ATP10A: variants seen among roughly 807,000 people sequenced by gnomAD.
ATP10A encodes ATPase phospholipid transporting 10A (putative).
ATP10A carries 111 observed loss-of-function variants against 147.8 expected under a neutral mutation model. The ratio of observed to expected loss-of-function variants is 0.75; its 90% CI spans 0.64 to 0.88. ATP10A has a LOEUF of 0.88. ATP10A is among the 40% of genes least tolerant of loss of function. The probability of loss-of-function intolerance (pLI) is 0.00; values close to 1 mark genes in which losing one functional copy is unlikely to be tolerated. For synonymous variants in ATP10A, 875 were observed against 841.6 expected (o/e 1.04, Z -0.69); for missense variants, 1,927 against 1,959.0 (o/e 0.98, Z 0.31).
intron 1 of ATP10A, among the ~76,000 whole-genome samples, chr15:25,796,297 T>C (rs1890667111): frequency 6.6e-6 from 1 of 152,006 alleles, no homozygotes; most frequent in Non-Finnish European, 1.5e-5. Context: ...CCCAGCTACT[T>C]GGGAGGCTGA....
intron 7 of ATP10A, among the ~76,000 whole-genome samples, chr15:25,718,762 A>AG (rs1349237936): frequency 1.3e-5 from 2 of 152,130 alleles, no homozygotes; most frequent in Admixed American, 6.5e-5. Flanking sequence ...GGCAGGACAG[A>AG]GGGTGGCAGG....
chr15:25,826,062 A>T (rs1225772810), intron 1 of ATP10A, among the ~76,000 whole-genome samples: 1 of 152,212 alleles, frequency 6.6e-6, no homozygotes, highest in African/African-American at 2.4e-5. Context: ...TCAACAGCAG[A>T]TTTCTGAGCA....
At chr15:25,774,807 A>C (rs1036595824) in intron 2 of ATP10A, among the ~76,000 whole-genome samples, 15 of 152,202 alleles carry the variant, frequency 9.9e-5, no homozygotes, top group African/African-American at 3.4e-4. Flanking sequence ...ATTTCTATGA[A>C]TATCCACACT....
In ATP10A at chr15:25,766,848, C is replaced by T. The variant is rs189880960; in HGVS notation, c.654+14171G>A. Among the ~76,000 whole-genome samples the T allele has an allele frequency of 2.5e-3, 372 of 150,548 alleles. 2 individuals carry two copies. The highest frequency in any genetic ancestry group is 8.9e-3 in the African/African-American group (364 of 40,794). ...GAAGGCACCAGTCCCAAAAAACTCC[C>T]GAAAAATACTCTAATCGGGGTTTTG... is the stretch of plus-strand genomic sequence containing the variant. On this transcript the variant is annotated intron_variant, in intron 2 of 20. Coordinates refer to ENST00000555815, the MANE Select transcript of ATP10A (RefSeq NM_024490.4).
chr15:25,778,847 T>A (rs1889754432), intron 2 of ATP10A, among the ~76,000 whole-genome samples: 1 of 152,118 alleles, frequency 6.6e-6, no homozygotes, highest in Non-Finnish European at 1.5e-5. Flanking sequence ...GGTTCAGAAG[T>A]TGAAGATCAG....
At chr15:25,846,397 A>G (rs527813755) in intron 1 of ATP10A, among the ~76,000 whole-genome samples, 1 of 152,350 alleles carries the variant, frequency 6.6e-6, no homozygotes, top group East Asian at 1.9e-4. Flanking sequence ...TGTGTGTGCC[A>G]GTGGAGCACA....
At chr15:25,759,349 T>A (rs967453445) in intron 2 of ATP10A, among the ~76,000 whole-genome samples, 2 of 152,220 alleles carry the variant, frequency 1.3e-5, no homozygotes, top group Non-Finnish European at 1.5e-5. Flanking sequence ...TGTGCAAGAT[T>A]AATCTCATGA....
intron 16 of ATP10A, among the ~76,000 whole-genome samples, chr15:25,685,568 A>T (rs1302055745): frequency 6.6e-6 from 1 of 152,156 alleles, no homozygotes; most frequent in Admixed American, 6.6e-5. Flanking sequence ...ATGGTGGTTC[A>T]TGCCTATAAT....
intron 3 of ATP10A, among the ~76,000 whole-genome samples, chr15:25,734,199 C>T (rs1013590477): frequency 9.9e-5 from 15 of 152,144 alleles, no homozygotes; most frequent in Non-Finnish European, 1.8e-4. Context: ...CAGCAGAGGG[C>T]CGTCACCTTT....
chr15:25,736,585 A>G (rs893478836), intron 2 of ATP10A, among the ~76,000 whole-genome samples: 11 of 152,208 alleles, frequency 7.2e-5, no homozygotes, highest in Admixed American at 1.3e-4. Context: ...ATCTTCATGG[A>G]TCTTTGATGA....
rs137994000 is a variant in ATP10A at position 25,851,612 on chromosome 15, G to C, written c.449+11036C>G. Among the ~76,000 whole-genome samples the C allele has an allele frequency of 7.9e-5, 12 of 152,234 alleles. No homozygotes were observed. In the East Asian group the frequency reaches 2.3e-3, roughly 29 times the overall value. On this transcript the variant is annotated intron_variant, in intron 1 of 20. Coordinates refer to ENST00000555815, the MANE Select transcript of ATP10A (RefSeq NM_024490.4). ...GGTACATTTTTCAGAAGACATTTGAGCCAACAGAGGGTATCTCTGGATCCT... is the reference window on the plus strand; with the variant it reads ...GGTACATTTTTCAGAAGACATTTGACCCAACAGAGGGTATCTCTGGATCCT...
intron 1 of ATP10A, among the ~76,000 whole-genome samples, chr15:25,835,681 G>C (rs1027372788): frequency 2.2e-4 from 33 of 152,210 alleles, no homozygotes; most frequent in African/African-American, 7.7e-4. Flanking sequence ...CACCCAGGCT[G>C]GAGTGCAGTG....
At chr15:25,693,552 A>G (rs1596695128) in intron 14 of ATP10A, among the ~76,000 whole-genome samples, 5 of 8,302 alleles carry the variant, frequency 6.0e-4, no homozygotes, top group Admixed American at 3.3e-3. Flanking sequence ...CTCCCAGGGA[A>G]GGACGCTGAC....
intron 2 of ATP10A, among the ~76,000 whole-genome samples, chr15:25,768,571 T>TATC (rs1330345063): frequency 6.7e-6 from 1 of 148,662 alleles, no homozygotes; most frequent in African/African-American, 2.5e-5. Context: ...TGAGACAGGG[T>TATC]ATCACTCTGT....
At chr15:25,733,777 A>G (rs905561937) in intron 3 of ATP10A, among the ~76,000 whole-genome samples, 1 of 152,218 alleles carries the variant, frequency 6.6e-6, no homozygotes, top group African/African-American at 2.4e-5. Flanking sequence ...TGGGTGGAGT[A>G]CACGAGGAGA....
At chr15:25,770,301 G>C (rs558007595) in intron 2 of ATP10A, among the ~76,000 whole-genome samples, 1 of 152,152 alleles carries the variant, frequency 6.6e-6, no homozygotes, top group Admixed American at 6.5e-5. Context: ...CCTGAGCAGC[G>C]ACAGCAATGG....
intron 1 of ATP10A, 192 bp downstream of exon 1, chr15:25,862,456 C>T (rs1893804327): frequency 1.4e-6 from 1 of 709,506 alleles, no homozygotes; most frequent in Non-Finnish European, 2.4e-6. Context: ...TTAGCTGCGG[C>T]GGAGGCACAG....
At chr15:25,803,840 C>T (rs901689096) in intron 1 of ATP10A, among the ~76,000 whole-genome samples, 3 of 152,246 alleles carry the variant, frequency 2.0e-5, no homozygotes, top group Admixed American at 6.5e-5. Flanking sequence ...CTGCTGCCCT[C>T]CCAGGCACAG....
chr15:25,704,765 C>A (rs1178780676), intron 12 of ATP10A, among the ~76,000 whole-genome samples: 2 of 152,198 alleles, frequency 1.3e-5, no homozygotes, highest in Non-Finnish European at 2.9e-5. Flanking sequence ...TGGGGCACAG[C>A]GGCTTTCTTC....
Sources: gnomAD v4.1 joint callset for allele counts (sites outside exome capture counted in the v4.1 genomes callset) on GRCh38, gnomAD v4.1.1 for gene constraint, MANE v1.5 for transcripts, NCBI Gene and HGNC (gene_info 2026-07-23, HGNC 2026-07-21) for gene names.